RNF25: variants seen among roughly 807,000 people sequenced by gnomAD.
RNF25 encodes the protein E3 ubiquitin-protein ligase RNF25.
RNF25 carries 32 observed loss-of-function variants against 65.0 expected under a neutral mutation model. The ratio of observed to expected loss-of-function variants is 0.49; its 90% confidence interval spans 0.37 to 0.66. The LOEUF (loss-of-function observed/expected upper bound fraction) is 0.66. RNF25 is among the 30% of genes least tolerant of loss of function. The pLI is 0.00. For synonymous variants in RNF25, 207 were observed against 221.2 expected, an observed-to-expected ratio of 0.94 and a Z score of 0.57; for missense variants, 493 against 584.8, an observed-to-expected ratio of 0.84 and a Z score of 1.62.
Position 218,668,081 on chromosome 2 carries a change from G to A in RNF25, c.285C>T (p.His95=). The part of the protein sequence containing the change: ...NPRGLSDEQI[H]TILQVLGHVA... ...CTGTTCTGACAGGTTCAACTTACGT[G>A]TGGATCTGTTCATCTGAAAGTCCTC... Residue 95 remains histidine, a splice_region_variant and synonymous_variant, in exon 4 of 10, where the codon CAC becomes CAT. Transcript: ENST00000295704. The A allele has an allele frequency of 6.2e-7, 1 of 1,614,102 alleles. No individual in the cohort carries two copies. Among genetic ancestry groups the A allele is most frequent in the Non-Finnish European group, 8.5e-7 (1 of 1,179,930 alleles).
At chr2:218,671,107 G>A (rs1019407000) in intron 1 of RNF25, among the ~76,000 whole-genome samples, 2 of 152,178 alleles carry the variant, frequency 1.3e-5, no homozygotes, top group African/African-American at 4.8e-5. Context: ...TGGGGAGGTC[G>A]AGGCTGCAGT....
In RNF25 at chr2:218,668,061, C is replaced by G. The variant is rs999688311; in HGVS notation, c.287+18G>C. ...AAGCTGTAGCTGAGTTTTCCCTGTTCTGACAGGTTCAACTTACGTGTGGAT... is the reference window on the plus strand; with the variant it reads ...AAGCTGTAGCTGAGTTTTCCCTGTTGTGACAGGTTCAACTTACGTGTGGAT... On this transcript the variant is annotated intron_variant, in intron 4 of 9. Coordinates refer to ENST00000295704, the MANE Select transcript of RNF25 (RefSeq NM_022453.3). The G allele has an allele frequency of 1.3e-5, 21 of 1,613,616 alleles. No homozygotes were observed. In the African/African-American group the frequency reaches 2.8e-4, roughly 22 times the overall value.
chr2:218,666,086 T>C, intron 6 of RNF25, 27 bp from the exon 7 acceptor site: 1 of 1,612,536 alleles, frequency 6.2e-7, no homozygotes, highest in South Asian at 1.1e-5. Flanking sequence ...TGTAGGGCAC[T>C]AAGTCAGAGC....
At chr2:218,666,677 C>T (rs933371607) in intron 5 of RNF25, among the ~76,000 whole-genome samples, 2 of 152,190 alleles carry the variant, frequency 1.3e-5, no homozygotes, top group Admixed American at 6.5e-5. Flanking sequence ...AGAGAATTCA[C>T]AAGGCATTGA....
At position 218,671,910 on chromosome 2, in the gene RNF25, G is replaced by C. The variant is rs776688189; in HGVS notation, c.41+20C>G. On this transcript the variant is annotated intron_variant, in intron 1 of 9. Transcript: ENST00000295704. ...GACTAGATCCAGGCTGTCAGCCAAA[G>C]CCCATGCCCCCAAAGTTACCAGTCC... 6.2e-7 allele frequency: 1 copy of C among 1,614,144 alleles called. No homozygotes were observed. The highest frequency in any genetic ancestry group is 1.3e-5 in the African/African-American group (1 of 75,060).
Position 218,664,905 on chromosome 2 carries a change from G to T in RNF25, c.667-32C>A. 1 of 1,613,152 alleles carries T rather than the reference G, an allele frequency of 6.2e-7. No individual in the cohort carries two copies. On this transcript the variant is annotated intron_variant, in intron 8 of 9. Coordinates refer to ENST00000295704, the MANE Select transcript of RNF25 (RefSeq NM_022453.3). The surrounding 1 kb of genome is among the most constrained non-coding windows in gnomAD (Gnocchi z 5.1). ...GGAAGAATGGCAGAGAGGAAATAAT[G>T]AACAGCAGAAGGCTGACTCAAACCT...
chr2:218,666,002 C>A lies in RNF25; in HGVS notation c.487G>T (p.Ala163Ser), dbSNP rs1471572735. 6.2e-7 allele frequency: 1 copy of A among 1,614,138 alleles called. No individual in the cohort carries two copies. Among genetic ancestry groups the A allele is most frequent in the Non-Finnish European group, 8.5e-7 (1 of 1,180,008 alleles). The change falls in exon 7 of 10, where the codon GCT becomes TCT. Residue 163 changes from alanine to serine, a missense_variant. Around this residue, in one of 3 missense-constraint regions of RNF25, gnomAD observed 351 missense variants for 400.2 expected, o/e 0.88. Coordinates refer to ENST00000295704, the MANE Select transcript of RNF25 (RefSeq NM_022453.3). ...CYHYFHCHCL[A>S]RYIQHMEQEL... ...TGCTCCATGTGCTGGATGTACCGAGCAAGGCAGTGGCAGTGGAAGTAGTGG... is the reference window on the plus strand; with the variant it reads ...TGCTCCATGTGCTGGATGTACCGAGAAAGGCAGTGGCAGTGGAAGTAGTGG...
At position 218,664,827 on chromosome 2, in the gene RNF25, C is replaced by T. The variant is rs761884829; in HGVS notation, c.713G>A (p.Arg238His). ...SAESLRQQEE[R>H]KRLYQRQQER... ...CTGCTGCCTCTGGTAGAGCCGCTTG[C>T]GTTCTTCTTGCTGGCGCAAGCTCTC... Residue 238 changes from arginine (R) to histidine (H), a missense_variant, in exon 9 of 10, where the codon CGC (arginine) becomes CAC (histidine). Arg to His is a conservative substitution (Grantham distance 29). Around this residue, in one of 3 missense-constraint regions of RNF25, gnomAD observed 351 missense variants for 400.2 expected, o/e 0.88. Coordinates refer to ENST00000295704, the MANE Select transcript of RNF25 (RefSeq NM_022453.3). The surrounding 1 kb of genome is among the most constrained non-coding windows in gnomAD (Gnocchi z 5.1). The T allele has an allele frequency of 1.6e-5, 26 of 1,613,894 alleles. No homozygotes were observed. Among genetic ancestry groups the T allele is most frequent in the Middle Eastern group, 3.3e-4 (2 of 6,084 alleles).
intron 5 of RNF25, 84 bp from the exon 6 acceptor site, chr2:218,666,314 C>T (rs533222229): frequency 8.8e-7 from 1 of 1,135,126 alleles, no homozygotes; most frequent in South Asian, 1.3e-5. Flanking sequence ...GAGTGACTGG[C>T]TAGACTTGGC....
chr2:218,664,150 C>T lies in RNF25; in HGVS notation c.1187G>A (p.Gly396Asp), dbSNP rs1331331447. 2 of 1,542,276 alleles carry T rather than the reference C, an allele frequency of 1.3e-6. No homozygotes were observed. The highest frequency in any genetic ancestry group is 2.3e-5 in the East Asian group (1 of 44,400). Residue 396 changes from glycine to aspartate, a missense_variant, in exon 10 of 10, where the codon GGT becomes GAT. By Grantham distance (94) the Gly-to-Asp change is moderately conservative. This residue lies in a region of RNF25 where 351 missense variants were observed against 400.2 expected (regional missense o/e 0.88). Transcript: ENST00000295704. The surrounding 1 kb of genome is among the most constrained non-coding windows in gnomAD (Gnocchi z 5.1). ...GCCAGGCCCCTTCTCTTGTGGAGGA[C>T]CTTCAACTCCTTGGCTATGGGGTTC... Reference protein sequence around the residue: ...KPEPHSQGVEGPPQEKGPGSW... With the variant: ...KPEPHSQGVEDPPQEKGPGSW...
At chr2:218,671,671 G>A (rs530099935) in intron 1 of RNF25, among the ~76,000 whole-genome samples, 1 of 152,316 alleles carries the variant, frequency 6.6e-6, no homozygotes, top group South Asian at 2.1e-4. Context: ...ATGGCGTGAA[G>A]CTGGAGGAAA....
At chr2:218,669,565 C>T (rs1258051547) in intron 1 of RNF25, among the ~76,000 whole-genome samples, 5 of 152,114 alleles carry the variant, frequency 3.3e-5, no homozygotes, top group Non-Finnish European at 7.4e-5. Context: ...AGGTTAGGAT[C>T]CATGGTTCTG....
chr2:218,668,161 TAAC>T lies in RNF25; in HGVS notation c.220-18_220-16del, dbSNP rs761176212. The T allele has an allele frequency of 6.8e-6, 11 of 1,614,028 alleles. No homozygotes were observed. The highest frequency in any genetic ancestry group is 8.5e-6 in the Non-Finnish European group (10 of 1,179,898). Reference sequence around the variant, plus strand: ...TCATGGGGATACTAGTGGGGGCAAATAACAAGTTACTGCTGAAGCGGTCCACCC... The same window carrying T: ...TCATGGGGATACTAGTGGGGGCAAATAAGTTACTGCTGAAGCGGTCCACCC... On this transcript the variant is annotated splice_polypyrimidine_tract_variant and intron_variant, in intron 3 of 9. Coordinates refer to ENST00000295704, the MANE Select transcript of RNF25 (RefSeq NM_022453.3).
At position 218,664,680 on chromosome 2, in the gene RNF25, A is replaced by T. The variant is rs764846159; in HGVS notation, c.801+59T>A. ...AAAGCTCACTCTGGGGCCATGGCTG[A>T]TTGGGGTTTGTAGAAAGGTTGGTGG... On this transcript the variant is annotated intron_variant, in intron 9 of 9. Transcript: ENST00000295704. This position sits in a 1 kb window ranked among gnomAD's most constrained non-coding sequence, Gnocchi z 5.1. The T allele has an allele frequency of 1.9e-6, 3 of 1,609,880 alleles. No individual in the cohort carries two copies. Among genetic ancestry groups the T allele is most frequent in the Non-Finnish European group, 2.5e-6 (3 of 1,177,324 alleles).
intron 2 of RNF25, 124 bp from the exon 3 acceptor site, chr2:218,668,465 G>A: frequency 1.0e-6 from 1 of 979,948 alleles, no homozygotes; most frequent in Admixed American, 1.7e-5. Context: ...TTTGGGGTAG[G>A]ATTAAAGGAA....
chr2:218,668,726 G>A, intron 1 of RNF25, 47 bp from the exon 2 acceptor site: 1 of 1,361,760 alleles, frequency 7.3e-7, no homozygotes, highest in Non-Finnish European at 1.0e-6. Context: ...CTCTCCCTGT[G>A]GAAGCCTGCT....
In RNF25 at chr2:218,671,985, G is replaced by T; in HGVS notation, c.-15C>A. 6.2e-7 allele frequency: 1 copy of T among 1,614,176 alleles called. No individual in the cohort carries two copies. The highest frequency in any genetic ancestry group is 1.1e-5 in the South Asian group (1 of 91,080). ...GACGCCGCCATATCTTCACCGGCCC[G>T]CAGCCGGAACCGGAAATGCCCTTAG... On this transcript the variant is annotated 5_prime_UTR_variant, in exon 1 of 10. Transcript: ENST00000295704.
Position 218,664,374 on chromosome 2 carries a change from C to T in RNF25, c.963G>A (p.Gly321=), listed in dbSNP as rs140498281. 55 of 1,614,010 alleles carry T rather than the reference C, an allele frequency of 3.4e-5. No homozygotes were observed. Among genetic ancestry groups the T allele is most frequent in the Non-Finnish European group, 4.6e-5 (54 of 1,180,050 alleles). The stretch of plus-strand genomic sequence containing the variant: ...CCAACCTTTGCTGATTTGACCTGGT[C>T]CCTGGAATCTTCTCACATATGTGCT... ...ATQHICEKIP[G]TRSNQQRLGE... The change falls in exon 10 of 10, where the codon GGG becomes GGA. Residue 321 remains glycine (G), a synonymous_variant. Coordinates refer to ENST00000295704, the MANE Select transcript of RNF25 (RefSeq NM_022453.3). This position sits in a 1 kb window ranked among gnomAD's most constrained non-coding sequence, Gnocchi z 5.1.
intron 1 of RNF25, among the ~76,000 whole-genome samples, chr2:218,669,451 A>G (rs1939901929): frequency 6.6e-6 from 1 of 152,182 alleles, no homozygotes; most frequent in African/African-American, 2.4e-5. Context: ...TCCTGTCTGT[A>G]TATAACCTTC....
Sources: allele counts gnomAD v4.1 joint callset (sites outside exome capture counted in the v4.1 genomes callset), GRCh38; gene constraint gnomAD v4.1.1; regional missense constraint gnomAD v4.1.1; non-coding constraint Gnocchi (gnomAD v3.1); transcripts MANE v1.5; gene names NCBI Gene and HGNC (gene_info 2026-07-23, HGNC 2026-07-21).